The following FAT4 variants were observed in gnomAD, a reference collection of about 807,000 sequenced individuals.
FAT4 encodes protocadherin Fat 4.
FAT4 carries 84 observed loss-of-function variants against 303.9 expected under a neutral mutation model. That is an observed-to-expected ratio of 0.28 (90% confidence interval 0.23 to 0.33). The LOEUF (loss-of-function observed/expected upper bound fraction) is 0.33. FAT4 is among the 10% of genes least tolerant of loss of function. The pLI, the probability that FAT4 is intolerant of heterozygous loss-of-function variation, is 1.00. For synonymous variants in FAT4, 2,307 were observed against 2,298.8 expected (o/e 1.00, Z -0.10); for missense variants, 6,005 against 6,146.8 (o/e 0.98, Z 0.77).
At chr4:125,464,667 C>A (rs903095537) in intron 11 of FAT4, among the ~76,000 whole-genome samples, 7 of 152,156 alleles carry the variant, frequency 4.6e-5, no homozygotes, top group East Asian at 1.9e-4. Context: ...ATCCCTCCCC[C>A]CTTCCCCACC....
At chr4:125,389,501 T>C (rs1322690536) in intron 2 of FAT4, among the ~76,000 whole-genome samples, 1 of 152,170 alleles carries the variant, frequency 6.6e-6, no homozygotes, top group Non-Finnish European at 1.5e-5. Flanking sequence ...TACACTTACT[T>C]TATGATAATT....
intron 7 of FAT4, among the ~76,000 whole-genome samples, chr4:125,428,419 A>G (rs929850511): frequency 6.6e-6 from 1 of 152,244 alleles, no homozygotes; most frequent in Admixed American, 6.5e-5. Flanking sequence ...ACTTAAGAGT[A>G]TAAAATGTGA....
In FAT4 at chr4:125,315,821, G is replaced by A. The variant is rs1199718450; in HGVS notation, c.-169G>A. On this transcript the variant is annotated 5_prime_UTR_variant, in exon 1 of 18. Transcript: ENST00000394329. ...ACTGCCGGCGCCCTGTTGGAGGGGC[G>A]TTGCAGCCTGGTTTTTGAGGAGTGG... Among the ~76,000 whole-genome samples, 1 of 152,190 alleles carries A rather than the reference G, an allele frequency of 6.6e-6. No homozygotes were observed. The highest frequency in any genetic ancestry group is 2.4e-5 in the African/African-American group (1 of 41,458).
intron 3 of FAT4, among the ~76,000 whole-genome samples, chr4:125,401,496 C>A (rs1734387241): frequency 6.6e-6 from 1 of 151,742 alleles, no homozygotes; most frequent in Admixed American, 6.6e-5. Context: ...AGGTCATCAG[C>A]CAATTGTGTA....
chr4:125,442,028 G>A (rs10014217), intron 8 of FAT4, among the ~76,000 whole-genome samples: 127,364 of 152,210 alleles, frequency 0.84, 53,476 homozygotes, highest in Non-Finnish European at 0.87. Flanking sequence ...CTTGCCATAT[G>A]ATGGTAAGCT....
At chr4:125,431,372 A>G (rs1319863518) in intron 7 of FAT4, among the ~76,000 whole-genome samples, 1 of 152,168 alleles carries the variant, frequency 6.6e-6, no homozygotes, top group African/African-American at 2.4e-5. Context: ...TGTCTCATGT[A>G]TTTTTACCAC....
intron 2 of FAT4, among the ~76,000 whole-genome samples, chr4:125,380,323 A>C (rs2125998241): frequency 6.6e-6 from 1 of 152,352 alleles, no homozygotes; most frequent in East Asian, 1.9e-4. Context: ...GCGAAGGGTA[A>C]GTCACTTTTG....
chr4:125,363,042 A>G (rs965681080), intron 2 of FAT4: 1 of 152,176 alleles, frequency 6.6e-6, no homozygotes, highest in African/African-American at 2.4e-5. Context: ...GAAAAAAAAA[A>G]TTTAGTAAAG....
intron 2 of FAT4, among the ~76,000 whole-genome samples, chr4:125,389,739 A>G (rs558642082): frequency 2.0e-5 from 3 of 152,336 alleles, no homozygotes; most frequent in South Asian, 2.1e-4. Context: ...AAGATGAGAC[A>G]GTAAACTATT....
chr4:125,460,167 A>C (rs554928513), intron 10 of FAT4, among the ~76,000 whole-genome samples: 2 of 152,182 alleles, frequency 1.3e-5, no homozygotes, highest in East Asian at 3.9e-4. Context: ...TAAATGGAGA[A>C]CTCAATTTTT....
At position 125,491,025 on chromosome 4, in the gene FAT4, G is replaced by A; in HGVS notation, c.14209G>A (p.Gly4737Ser). 1 of 1,614,196 alleles carries A rather than the reference G, an allele frequency of 6.2e-7. No individual in the cohort carries two copies. The highest frequency in any genetic ancestry group is 8.5e-7 in the Non-Finnish European group (1 of 1,180,038). Reference sequence around the variant, plus strand: ...GGATGGTAATACTTTGGAAATGCATGGTGACACCTGCCAACCTGGCATTTT... The same window carrying A: ...GGATGGTAATACTTTGGAAATGCATAGTGACACCTGCCAACCTGGCATTTT... The part of the protein sequence containing the change: ...IRDGNTLEMH[G>S]DTCQPGIFNY... The change falls in exon 18 of 18, where the codon GGT (glycine) becomes AGT (serine). Residue 4737 changes from glycine to serine, a missense_variant. Gly to Ser is a moderately conservative substitution (Grantham distance 56). Coordinates refer to ENST00000394329, the MANE Select transcript of FAT4 (RefSeq NM_001291303.3).
intron 5 of FAT4, among the ~76,000 whole-genome samples, chr4:125,410,240 T>C (rs1051829325): frequency 2.6e-5 from 4 of 152,326 alleles, no homozygotes; most frequent in African/African-American, 9.6e-5. Flanking sequence ...GCTGTAATGC[T>C]AGTACTACTA....
At chr4:125,362,099 C>G (rs1732697671) in intron 2 of FAT4, among the ~76,000 whole-genome samples, 2 of 152,132 alleles carry the variant, frequency 1.3e-5, no homozygotes, top group Admixed American at 6.6e-5. Context: ...ATGTTCTTGA[C>G]TGCTGTACCA....
Position 125,490,054 on chromosome 4 carries a change from G to A in FAT4, c.13238G>A (p.Gly4413Asp), listed in dbSNP as rs780755362. 6.2e-7 allele frequency: 1 copy of A among 1,613,902 alleles called. No homozygotes were observed. The highest frequency in any genetic ancestry group is 8.5e-7 in the Non-Finnish European group (1 of 1,180,006). ...PNICASNPCWGDLLCINQWYA... is the reference protein window; with the variant it reads ...PNICASNPCWDDLLCINQWYA... ...ATTTGTGCCAGCAACCCCTGCTGGG[G>A]TGATTTGCTGTGCATTAATCAGTGG... Residue 4413 changes from glycine (G) to aspartate (D), a missense_variant, in exon 18 of 18, where the codon GGT becomes GAT. Gly to Asp is a moderately conservative substitution (Grantham distance 94). Coordinates refer to ENST00000394329, the MANE Select transcript of FAT4 (RefSeq NM_001291303.3).
chr4:125,434,208 T>C (rs777280522), intron 7 of FAT4, 37 bp from the exon 8 acceptor site: 2 of 1,581,252 alleles, frequency 1.3e-6, no homozygotes, highest in Non-Finnish European at 1.7e-6. Flanking sequence ...TATTTTTTGT[T>C]TATAAACATT....
intron 10 of FAT4, among the ~76,000 whole-genome samples, chr4:125,459,390 C>T (rs1726404074): frequency 6.6e-6 from 1 of 151,928 alleles, no homozygotes. Flanking sequence ...TCTTCTGCCC[C>T]CAAACATGAA....
intron 2 of FAT4, among the ~76,000 whole-genome samples, chr4:125,377,519 C>T (rs1733380043): frequency 6.6e-6 from 1 of 152,028 alleles, no homozygotes; most frequent in Non-Finnish European, 1.5e-5. Flanking sequence ...TAAATGTAAA[C>T]CTTTAGAAAA....
intron 2 of FAT4, among the ~76,000 whole-genome samples, chr4:125,339,598 CATTT>C (rs1395005430): frequency 6.6e-6 from 1 of 152,156 alleles, no homozygotes; most frequent in Non-Finnish European, 1.5e-5. Context: ...CTAAAACTAA[CATTT>C]ATTTAAAACA....
chr4:125,487,651 T>C (rs779911894), intron 17 of FAT4, 45 bp downstream of exon 17: 5 of 1,518,804 alleles, frequency 3.3e-6, no homozygotes, highest in Non-Finnish European at 4.4e-6. Context: ...GTAAAATTGT[T>C]CTTCAAAAAG....
Sources: allele counts gnomAD v4.1 joint callset (sites outside exome capture counted in the v4.1 genomes callset), GRCh38; gene constraint gnomAD v4.1.1; transcripts MANE v1.5; gene names NCBI Gene and HGNC (gene_info 2026-07-23, HGNC 2026-07-21).